Variants in IL1RAPL2 observed in about 807,000 individuals in gnomAD.
IL1RAPL2 encodes X-linked interleukin-1 receptor accessory protein-like 2.
Under a neutral mutation model 44.1 loss-of-function variants are expected in IL1RAPL2, and 3 were observed. The observed-to-expected ratio is 0.07, with a 90% CI of 0.03 to 0.18. The LOEUF is 0.18. Among genes scored for constraint, IL1RAPL2 ranks in the 10% least tolerant of loss-of-function variants. IL1RAPL2 has a pLI of 1.00. For synonymous variants in IL1RAPL2, 181 were observed against 178.8 expected (o/e 1.01, Z -0.10); for missense variants, 391 against 496.4 (o/e 0.79, Z 2.02).
intron 2 of IL1RAPL2, among the ~76,000 whole-genome samples, chrX:104,791,280 A>T (rs1023218460): frequency 3.0e-5 from 3 of 100,623 alleles, no homozygotes; most frequent in Non-Finnish European, 4.0e-5. Flanking sequence ...GAAACAACCA[A>T]TGAAGGAAGA....
intron 2 of IL1RAPL2, among the ~76,000 whole-genome samples, chrX:105,126,765 G>T (rs1416916231): frequency 9.0e-6 from 1 of 110,893 alleles, no homozygotes; most frequent in Non-Finnish European, 1.9e-5. Context: ...AGGTCAGTAA[G>T]GTTTGTGTCA....
intron 2 of IL1RAPL2, among the ~76,000 whole-genome samples, chrX:105,015,720 T>G (rs941926852): frequency 3.6e-5 from 4 of 111,610 alleles, no homozygotes; most frequent in African/African-American, 1.3e-4. Context: ...ACTATAGCCT[T>G]GTAGTATTGT....
In IL1RAPL2 at chrX:105,202,173, G is replaced by C. The variant is rs2033723013; in HGVS notation, c.356+6425G>C. Among the ~76,000 whole-genome samples the C allele has an allele frequency of 4.5e-5, 5 of 112,118 alleles. No individual in the cohort carries two copies. The Admixed American group carries it at 4.7e-4, about 11-fold the overall frequency. The stretch of plus-strand genomic sequence containing the variant: ...AACTATGTAATTTCAACTTCATTCA[G>C]TTTGTTTACTGGAAGGAAGCAGATG... On this transcript the variant is annotated intron_variant, in intron 3 of 10. Coordinates refer to ENST00000372582, the MANE Select transcript of IL1RAPL2 (RefSeq NM_017416.2).
chrX:104,670,245 CT>C (rs2148027707), intron 2 of IL1RAPL2, among the ~76,000 whole-genome samples: 1 of 111,549 alleles, frequency 9.0e-6, no homozygotes, highest in African/African-American at 3.3e-5. Flanking sequence ...CAGCAAATCA[CT>C]GGTGTAAGTC....
chrX:104,664,288 G>A (rs1280509677), intron 2 of IL1RAPL2, among the ~76,000 whole-genome samples: 1 of 111,343 alleles, frequency 9.0e-6, no homozygotes, highest in Admixed American at 9.5e-5. Context: ...GATCCATAGA[G>A]GACCTCCACA....
At chrX:104,896,764 A>G (rs931346861) in intron 2 of IL1RAPL2, among the ~76,000 whole-genome samples, 7 of 110,869 alleles carry the variant, frequency 6.3e-5, no homozygotes, top group African/African-American at 9.9e-5. Flanking sequence ...TTCACAATAA[A>G]TCTTGCTGCT....
intron 2 of IL1RAPL2, among the ~76,000 whole-genome samples, chrX:105,080,194 C>T (rs904249472): frequency 4.5e-5 from 5 of 112,095 alleles, no homozygotes; most frequent in African/African-American, 1.3e-4. Context: ...ATGATAGTTT[C>T]TTTTGCTGTG....
intron 5 of IL1RAPL2, among the ~76,000 whole-genome samples, chrX:105,291,043 A>T (rs2034608888): frequency 9.0e-6 from 1 of 111,594 alleles, no homozygotes; most frequent in South Asian, 3.8e-4. Flanking sequence ...AGCCTCCTCT[A>T]GGCTTGATCA....
At chrX:105,069,682 A>G (rs765731435) in intron 2 of IL1RAPL2, among the ~76,000 whole-genome samples, 1 of 112,393 alleles carries the variant, frequency 8.9e-6, no homozygotes, top group Non-Finnish European at 1.9e-5. Context: ...AGTAAGGGAT[A>G]TTTGAGGGCT....
rs771132405 is a variant in IL1RAPL2, at chrX:104,733,214, T to C, written c.82+74219T>C. ...ACCTCTAAGCAACAGGAAATAAGAA[T>C]AGAAAAATGAAAGTTATGCGTATTG... On this transcript the variant is annotated intron_variant, in intron 2 of 10. Transcript: ENST00000372582. Among the ~76,000 whole-genome samples, 4 of 111,546 alleles carry C rather than the reference T, an allele frequency of 3.6e-5. No homozygotes were observed. The East Asian group carries it at 1.1e-3, about 31-fold the overall frequency.
intron 1 of IL1RAPL2, among the ~76,000 whole-genome samples, chrX:104,585,412 A>AAT (rs34071838): frequency 2.2e-5 from 1 of 45,129 alleles, no homozygotes; most frequent in Non-Finnish European, 3.6e-5. Context: ...ATATATATAT[A>AAT]ATATATATAT....
At chrX:104,779,705 C>T (rs1461503196) in intron 2 of IL1RAPL2, among the ~76,000 whole-genome samples, 2 of 111,272 alleles carry the variant, frequency 1.8e-5, no homozygotes, top group East Asian at 5.6e-4. Context: ...ATAGCTTGTC[C>T]AAGATAATAC....
At chrX:105,666,561 T>C (rs997992147) in intron 6 of IL1RAPL2, among the ~76,000 whole-genome samples, 3 of 111,827 alleles carry the variant, frequency 2.7e-5, no homozygotes, top group Non-Finnish European at 3.8e-5. Flanking sequence ...AGAAACACAG[T>C]CTTTCCATAA....
intron 6 of IL1RAPL2, among the ~76,000 whole-genome samples, chrX:105,567,540 A>G (rs2036983355): frequency 8.9e-6 from 1 of 112,088 alleles, no homozygotes; most frequent in African/African-American, 3.2e-5. Flanking sequence ...ACTTCCAGCT[A>G]CATGAAATAG....
At chrX:105,123,807 G>A (rs945658107) in intron 2 of IL1RAPL2, among the ~76,000 whole-genome samples, 2 of 110,671 alleles carry the variant, frequency 1.8e-5, no homozygotes, top group South Asian at 3.8e-4. Flanking sequence ...ATTTATCAAC[G>A]TTCTCTTTTT....
chrX:105,655,499 T>C (rs210550), intron 6 of IL1RAPL2, among the ~76,000 whole-genome samples: 53,662 of 111,786 alleles, frequency 0.48, 10,739 homozygotes, highest in African/African-American at 0.79. Flanking sequence ...TGGACTTGTT[T>C]GGCTGCAAAA....
At chrX:105,267,656 A>ATT in intron 5 of IL1RAPL2, 115 bp downstream of exon 5, 7 of 539,616 alleles carry the variant, frequency 1.3e-5, no homozygotes, top group Non-Finnish European at 2.1e-5. Flanking sequence ...TTGCCTGCAA[A>ATT]TCAAATAGTT....
intron 5 of IL1RAPL2, among the ~76,000 whole-genome samples, chrX:105,387,260 A>T (rs2035483603): frequency 1.1e-5 from 1 of 91,665 alleles, no homozygotes; most frequent in South Asian, 5.3e-4. Context: ...TTTGAGACGG[A>T]GTCTTACTCT....
chrX:105,482,871 G>A (rs1397239284), intron 5 of IL1RAPL2, among the ~76,000 whole-genome samples: 1 of 109,999 alleles, frequency 9.1e-6, no homozygotes, highest in African/African-American at 3.3e-5. Flanking sequence ...AGTTCAGTTG[G>A]ATACTTGAAG....
Sources: allele counts gnomAD v4.1 joint callset (sites outside exome capture counted in the v4.1 genomes callset), GRCh38; gene constraint gnomAD v4.1.1; transcripts MANE v1.5; gene names NCBI Gene and HGNC (gene_info 2026-07-23, HGNC 2026-07-21).